CADPS2: variants seen among roughly 807,000 people sequenced by gnomAD.
CADPS2 encodes calcium-dependent secretion activator 2.
A neutral mutation model predicts 172.5 loss-of-function variants in CADPS2; 93 were observed. The observed-to-expected ratio is 0.54, with a 90% CI of 0.46 to 0.64. CADPS2 has a LOEUF of 0.64. Among genes scored for constraint, CADPS2 ranks in the 30% least tolerant of loss-of-function variants. The pLI is 0.00. For synonymous variants in CADPS2, 546 were observed against 555.2 expected (o/e 0.98, Z 0.23); for missense variants, 1,420 against 1,565.9 (o/e 0.91, Z 1.57).
chr7:122,747,341 CAA>C (rs1006350709), intron 1 of CADPS2, among the ~76,000 whole-genome samples: 6 of 152,018 alleles, frequency 3.9e-5, no homozygotes, highest in African/African-American at 1.4e-4. Flanking sequence ...TACCGTCCTA[CAA>C]AATAGAAAAC....
intron 9 of CADPS2, among the ~76,000 whole-genome samples, chr7:122,508,141 T>C (rs1453788877): frequency 6.6e-6 from 1 of 151,994 alleles, no homozygotes; most frequent in African/African-American, 2.4e-5. Flanking sequence ...ATGCACACAC[T>C]CAGAGCGTTT....
At chr7:122,839,763 TA>T (rs1809822402) in intron 1 of CADPS2, among the ~76,000 whole-genome samples, 1 of 152,156 alleles carries the variant, frequency 6.6e-6, no homozygotes, top group African/African-American at 2.4e-5. Context: ...TGGCAATCAT[TA>T]AAAAGTCAGG....
intron 1 of CADPS2, among the ~76,000 whole-genome samples, chr7:122,842,480 T>C (rs1179783435): frequency 6.6e-6 from 1 of 152,148 alleles, no homozygotes; most frequent in Non-Finnish European, 1.5e-5. Context: ...CTTCTCCTAT[T>C]TCCTCTTTAA....
intron 2 of CADPS2, among the ~76,000 whole-genome samples, chr7:122,708,939 G>A (rs561226843): frequency 9.2e-5 from 14 of 151,896 alleles, no homozygotes; most frequent in South Asian, 2.1e-4. Context: ...ATATTTGGCC[G>A]TAGTATAATT....
chr7:122,624,846 G>C (rs1264036184), intron 4 of CADPS2, among the ~76,000 whole-genome samples: 1 of 152,120 alleles, frequency 6.6e-6, no homozygotes, highest in Non-Finnish European at 1.5e-5. Context: ...TGAAGATAAT[G>C]GACAAAGTCC....
chr7:122,497,915 C>T (rs1171021564), intron 9 of CADPS2, among the ~76,000 whole-genome samples: 1 of 152,120 alleles, frequency 6.6e-6, no homozygotes, highest in African/African-American at 2.4e-5. Flanking sequence ...GCTTATACAT[C>T]CATGTGGAAA....
intron 27 of CADPS2, among the ~76,000 whole-genome samples, chr7:122,353,425 G>C (rs2038948973): frequency 6.6e-6 from 1 of 152,048 alleles, no homozygotes; most frequent in Admixed American, 6.6e-5. Context: ...TCAGGCATCA[G>C]TACGATTAAG....
rs200136303 is a variant in CADPS2 at position 122,537,940 on chromosome 7, G to GA, written c.1475+16609dup. 3.1e-3 allele frequency among the ~76,000 whole-genome samples: 462 copies of GA among 151,336 alleles called. 4 individuals carry two copies. Among genetic ancestry groups the GA allele is most frequent in the African/African-American group, 0.011 (444 of 41,370 alleles). ...AATAGCTAAATCTAATAATAATCTG[G>GA]AAAAAAATACTTTCCAAAGGAAAAA... On this transcript the variant is annotated intron_variant, in intron 8 of 29. Coordinates refer to ENST00000449022, the MANE Select transcript of CADPS2 (RefSeq NM_017954.11).
At chr7:122,352,930 T>C (rs976047796) in intron 27 of CADPS2, among the ~76,000 whole-genome samples, 15 of 152,302 alleles carry the variant, frequency 9.8e-5, no homozygotes, top group Non-Finnish European at 1.5e-4. Flanking sequence ...TCTTAAGTAG[T>C]GAGCAGGAAC....
chr7:122,730,881 T>C (rs2091572915), intron 2 of CADPS2, among the ~76,000 whole-genome samples: 1 of 151,624 alleles, frequency 6.6e-6, no homozygotes, highest in Non-Finnish European at 1.5e-5. Flanking sequence ...CAGTAGAAAA[T>C]TTCTGAATTT....
In CADPS2 at chr7:122,666,832, G is replaced by GCAGT. The variant is rs1471056000; in HGVS notation, c.454-3267_454-3264dup. Among the ~76,000 whole-genome samples the GCAGT allele has an allele frequency of 2.6e-5, 4 of 152,240 alleles. No individual in the cohort carries two copies. The South Asian group carries it at 8.3e-4, about 32-fold the overall frequency. ...CACTGGCAGATTCCCAGTGAGTTCTGCAGTGTGGCACCCCACTGTGGACAG... is the reference window on the plus strand; with the variant it reads ...CACTGGCAGATTCCCAGTGAGTTCTGCAGTCAGTGTGGCACCCCACTGTGGACAG... On this transcript the variant is annotated intron_variant, in intron 2 of 29. Transcript: ENST00000449022.
intron 1 of CADPS2, among the ~76,000 whole-genome samples, chr7:122,783,368 T>A (rs978524881): frequency 5.9e-5 from 9 of 152,232 alleles, no homozygotes; most frequent in African/African-American, 2.2e-4. Context: ...TCATTTTATA[T>A]TGTTTCTTGT....
chr7:122,509,450 G>A (rs1256851591), intron 9 of CADPS2, among the ~76,000 whole-genome samples: 1 of 152,078 alleles, frequency 6.6e-6, no homozygotes, highest in Admixed American at 6.6e-5. Context: ...TTGATACAGG[G>A]CCAAAACAAC....
chr7:122,425,631 C>T (rs777502219), intron 17 of CADPS2, among the ~76,000 whole-genome samples: 1 of 151,240 alleles, frequency 6.6e-6, no homozygotes, highest in Non-Finnish European at 1.5e-5. Context: ...TTAGCCATGT[C>T]ATATACACAA....
chr7:122,872,014 T>C (rs1276966052), intron 1 of CADPS2, among the ~76,000 whole-genome samples: 3 of 152,110 alleles, frequency 2.0e-5, no homozygotes, highest in Non-Finnish European at 2.9e-5. Context: ...AATTTAACTC[T>C]TGTGCCCAAA....
Position 122,621,655 on chromosome 7 carries a change from C to A in CADPS2, c.930G>T (p.Arg310=). Reference sequence around the variant, plus strand: ...TGGCCATTAGCAAATTCACTGAAGACCGCAACTCTTCTATATACATATTCT... The same window carrying A: ...TGGCCATTAGCAAATTCACTGAAGAACGCAACTCTTCTATATACATATTCT... The part of the protein sequence containing the change: ...DMENMYIEEL[R]SSVNLLMANL... Residue 310 remains arginine (R), a synonymous_variant, in exon 5 of 30, where the codon CGG becomes CGT. Coordinates refer to ENST00000449022, the MANE Select transcript of CADPS2 (RefSeq NM_017954.11). 6.2e-7 allele frequency: 1 copy of A among 1,613,660 alleles called. No individual in the cohort carries two copies. The highest frequency in any genetic ancestry group is 8.5e-7 in the Non-Finnish European group (1 of 1,179,634).
At chr7:122,504,099 T>C (rs952288145) in intron 9 of CADPS2, among the ~76,000 whole-genome samples, 6 of 152,208 alleles carry the variant, frequency 3.9e-5, no homozygotes, top group Admixed American at 2.0e-4. Flanking sequence ...CTCAATTACT[T>C]ACTTATCCTT....
intron 3 of CADPS2, among the ~76,000 whole-genome samples, chr7:122,649,329 C>A (rs10953961): frequency 0.2 from 30,845 of 151,872 alleles, 3,900 homozygotes; most frequent in Middle Eastern, 0.3. Context: ...AATTAAATGT[C>A]CAAGAAAGAA....
chr7:122,645,189 T>A (rs2078169774), intron 3 of CADPS2, among the ~76,000 whole-genome samples: 1 of 147,780 alleles, frequency 6.8e-6, no homozygotes, highest in Admixed American at 6.9e-5. Context: ...TAAGTATATA[T>A]ATACACATAT....
Sources: allele counts gnomAD v4.1 joint callset (sites outside exome capture counted in the v4.1 genomes callset), GRCh38; gene constraint gnomAD v4.1.1; transcripts MANE v1.5; gene names NCBI Gene and HGNC (gene_info 2026-07-23, HGNC 2026-07-21).